The following SMARCA4 variants were observed in gnomAD, a reference collection of about 807,000 sequenced individuals.
SMARCA4 encodes the protein SWI/SNF related BAF chromatin remodeling complex subunit ATPase 4, also known as SWI/SNF-related matrix-associated actin-dependent regulator of chromatin subfamily A member 4.
Under a neutral mutation model 193.9 loss-of-function variants are expected in SMARCA4, and 31 were observed. The observed-to-expected ratio is 0.16, with a 90% CI of 0.12 to 0.22. SMARCA4 has a LOEUF of 0.22. Among genes scored for constraint, SMARCA4 ranks in the 10% least tolerant of loss-of-function variants. The probability of loss-of-function intolerance (pLI) is 1.00; values close to 1 mark genes in which losing one functional copy is unlikely to be tolerated. For synonymous variants in SMARCA4, 942 were observed against 933.1 expected (o/e 1.01, Z -0.17); for missense variants, 1,148 against 2,296.0 (o/e 0.50, Z 10.22).
chr19:11,059,618 C>A (rs2076739988), intron 32 of SMARCA4, 135 bp from the exon 33 acceptor site: 2 of 985,522 alleles, frequency 2.0e-6, no homozygotes, highest in South Asian at 1.4e-5. Context: ...GAAGCCCCGA[C>A]CCGCTGAGGC....
intron 11 of SMARCA4, among the ~76,000 whole-genome samples, 195 bp downstream of exon 11, chr19:10,996,739 C>A (rs540043180): frequency 2.7e-5 from 4 of 150,892 alleles, no homozygotes; most frequent in African/African-American, 7.2e-5. Context: ...AGACCTTTTT[C>A]TATGCATGTG....
chr19:11,060,917 C>A (rs541434007), intron 34 of SMARCA4, among the ~76,000 whole-genome samples: 1 of 152,236 alleles, frequency 6.6e-6, no homozygotes, highest in Admixed American at 6.5e-5. Flanking sequence ...TTCATGAAGT[C>A]CTCATGTGGA....
chr19:10,984,020 TG>T lies in SMARCA4; in HGVS notation c.-31-98del. On this transcript the variant is annotated intron_variant, in intron 1 of 34. Transcript: ENST00000344626. This position sits in a 1 kb window ranked among gnomAD's most constrained non-coding sequence, Gnocchi z 4.3. ...TGGTGGGGAAGGTACTGGCTTCCTG[TG>T]GGATGTAGATTCTGATGTGACCGTA... The T allele has an allele frequency of 2.3e-6, 2 of 863,184 alleles. No individual in the cohort carries two copies. Among genetic ancestry groups the T allele is most frequent in the Non-Finnish European group, 3.8e-6 (2 of 524,882 alleles). 53.5% of individuals were successfully genotyped at this position (863,184 alleles called of 1,614,324 possible). A position where few individuals can be genotyped will look rare whatever the true frequency, so the allele number is the denominator to read the frequency against.
chr19:11,060,294 G>A (rs1030014084), intron 34 of SMARCA4, 107 bp downstream of exon 34: 14 of 1,378,332 alleles, frequency 1.0e-5, no homozygotes, highest in Admixed American at 4.0e-5. Context: ...CCACGCTGCA[G>A]GTGGGAAAGC....
chr19:11,050,187 A>AGG (rs767085986), intron 30 of SMARCA4, among the ~76,000 whole-genome samples: 27 of 152,352 alleles, frequency 1.8e-4, no homozygotes, highest in Non-Finnish European at 3.7e-4. Flanking sequence ...TCAGGGCTAG[A>AGG]GGGGCACAAT....
chr19:11,044,936 G>T (rs893757972), intron 30 of SMARCA4, among the ~76,000 whole-genome samples: 1 of 152,146 alleles, frequency 6.6e-6, no homozygotes, highest in Non-Finnish European at 1.5e-5. Flanking sequence ...AGGCCTAATC[G>T]TACAGGGCCC....
In SMARCA4 at chr19:10,997,812, G is replaced by A. The variant is rs574596636; in HGVS notation, c.1812+1268G>A. On this transcript the variant is annotated intron_variant, in intron 11 of 34. Transcript: ENST00000344626. ...AACTCTTTGAGAGTCAAATGCAGACGTGACAGCGCCTTACCTCCATGTAAT... is the reference window on the plus strand; with the variant it reads ...AACTCTTTGAGAGTCAAATGCAGACATGACAGCGCCTTACCTCCATGTAAT... Among the ~76,000 whole-genome samples the A allele has an allele frequency of 3.9e-5, 6 of 152,280 alleles. No homozygotes were observed. In the South Asian group the frequency reaches 1.2e-3, roughly 32 times the overall value.
intron 9 of SMARCA4, chr19:10,995,930 TG>T: frequency 2.0e-6 from 1 of 496,480 alleles, no homozygotes; most frequent in South Asian, 1.9e-5. Flanking sequence ...GCTTCGGGTT[TG>T]GGGTGTATTT....
chr19:11,053,769 G>A (rs1370237871), intron 30 of SMARCA4, among the ~76,000 whole-genome samples: 1 of 152,122 alleles, frequency 6.6e-6, no homozygotes, highest in Non-Finnish European at 1.5e-5. Context: ...AAATTAGCCA[G>A]GTGTTGTGGC....
chr19:11,026,360 CA>C lies in SMARCA4; in HGVS notation c.3215+16del. The C allele has an allele frequency of 3.1e-6, 5 of 1,610,904 alleles. No individual in the cohort carries two copies. The highest frequency in any genetic ancestry group is 4.2e-6 in the Non-Finnish European group (5 of 1,177,194). On this transcript the variant is annotated intron_variant, in intron 23 of 34. Coordinates refer to ENST00000344626, the MANE Select transcript of SMARCA4 (RefSeq NM_003072.5). Reference sequence around the variant, plus strand: ...CATTGTCCAAGGGTGAGAAGCTTCCCAACTGGATGGGGTGGGCAGGTGGTCC... The same window carrying C: ...CATTGTCCAAGGGTGAGAAGCTTCCCACTGGATGGGGTGGGCAGGTGGTCC...
In SMARCA4 at chr19:10,996,617, C is replaced by G. The variant is rs1431416736; in HGVS notation, c.1812+73C>G. 3 of 1,388,868 alleles carry G rather than the reference C, an allele frequency of 2.2e-6. No individual in the cohort carries two copies. In the Admixed American group the frequency reaches 5.0e-5, roughly 23 times the overall value. 86.0% of individuals were successfully genotyped at this position (1,388,868 alleles called of 1,614,324 possible). On this transcript the variant is annotated intron_variant, in intron 11 of 34. Transcript: ENST00000344626. ...GTTGGTCTGTTTCAGACTTTAAAAC[C>G]TGTGTTCTTTTAAAATTACGAACAA...
rs373350445 is a variant in SMARCA4, at chr19:11,045,961, C to CGCCT, written c.4424+4403_4424+4406dup. 2.7e-3 allele frequency among the ~76,000 whole-genome samples: 414 copies of CGCCT among 152,202 alleles called. 2 individuals are homozygous for CGCCT. Among genetic ancestry groups the CGCCT allele is most frequent in the African/African-American group, 9.1e-3 (377 of 41,550 alleles). On this transcript the variant is annotated intron_variant, in intron 30 of 34. Coordinates refer to ENST00000344626, the MANE Select transcript of SMARCA4 (RefSeq NM_003072.5). Reference sequence around the variant, plus strand: ...AAAAAAGTCTGGGTGTGGTGGCTCACGCCTGTAATCCCAGCACTTTGGGAG... The same window carrying CGCCT: ...AAAAAAGTCTGGGTGTGGTGGCTCACGCCTGCCTGTAATCCCAGCACTTTGGGAG...
rs1182668376 is a variant in SMARCA4, at chr19:11,060,028, C to T, written c.4769-17C>T. The T allele has an allele frequency of 1.1e-5, 17 of 1,581,626 alleles. 1 individual carries two copies. In the South Asian group the frequency reaches 2.0e-4, roughly 18 times the overall value. On this transcript the variant is annotated splice_polypyrimidine_tract_variant and intron_variant, in intron 33 of 34. Transcript: ENST00000344626. ...TCCCAGAGCTCAAGGCTGTCTTTCC[C>T]TCCCGGTCCCCTCCAGCTCGGTCCG...
rs113565725 is a variant in SMARCA4, at chr19:11,028,118, T to G, written c.3382+168T>G. On this transcript the variant is annotated intron_variant, in intron 24 of 34. Transcript: ENST00000344626. ...GCTGAGCATCTTGGGCACTCGGCAC[T>G]GGGACAGGCCGTGGATTGGACGCCG... Among the ~76,000 whole-genome samples the G allele has an allele frequency of 1.7e-4, 26 of 152,294 alleles. No individual in the cohort carries two copies. In the South Asian group the frequency reaches 5.2e-3, roughly 30 times the overall value.
rs769612645 is a variant in SMARCA4 at position 11,058,237 on chromosome 19, G to A, written c.4425-18G>A. 52 of 1,591,722 alleles carry A rather than the reference G, an allele frequency of 3.3e-5. No individual in the cohort carries two copies. Among genetic ancestry groups the A allele is most frequent in the Middle Eastern group, 1.7e-4 (1 of 5,932 alleles). On this transcript the variant is annotated intron_variant, in intron 30 of 34. Transcript: ENST00000344626. This position sits in a 1 kb window ranked among gnomAD's most constrained non-coding sequence, Gnocchi z 5.8. ...GTGGGCGGACTCGGGGGTGATAGCC[G>A]CCGGTTCTGCCTTGCAGCAGCAGTG...
In SMARCA4 at chr19:10,990,329, A is replaced by C. The variant is rs79695124; in HGVS notation, c.1246-821A>C. Among the ~76,000 whole-genome samples the C allele has an allele frequency of 2.4e-3, 368 of 151,854 alleles. 3 individuals are homozygous for C. The East Asian group carries it at 0.026, about 11-fold the overall frequency. On this transcript the variant is annotated intron_variant, in intron 7 of 34. Coordinates refer to ENST00000344626, the MANE Select transcript of SMARCA4 (RefSeq NM_003072.5). ...CACCATGCCGGGCTGATTTTTTTGAAGTGCAGTGGCACAATCTTGGCTCAC... is the reference window on the plus strand; with the variant it reads ...CACCATGCCGGGCTGATTTTTTTGACGTGCAGTGGCACAATCTTGGCTCAC...
rs1219096862 is a variant in SMARCA4, at chr19:10,984,416, A to T, written c.222+43A>T. On this transcript the variant is annotated intron_variant, in intron 2 of 34. Coordinates refer to ENST00000344626, the MANE Select transcript of SMARCA4 (RefSeq NM_003072.5). This position sits in a 1 kb window ranked among gnomAD's most constrained non-coding sequence, Gnocchi z 4.3. ...CGCCTCGCACCTGCGGCCTCTGCCCACTAGGGCTGCAGGCAGCCTCTGGAC... is the reference window on the plus strand; with the variant it reads ...CGCCTCGCACCTGCGGCCTCTGCCCTCTAGGGCTGCAGGCAGCCTCTGGAC... 1.3e-6 allele frequency: 2 copies of T among 1,552,072 alleles called. No individual in the cohort carries two copies. Among genetic ancestry groups the T allele is most frequent in the Non-Finnish European group, 1.7e-6 (2 of 1,148,112 alleles).
chr19:11,044,333 A>C (rs1262602650), intron 30 of SMARCA4, among the ~76,000 whole-genome samples: 6 of 152,226 alleles, frequency 3.9e-5, no homozygotes, highest in Non-Finnish European at 2.9e-5. Flanking sequence ...GGGAGCCAAA[A>C]GCCACTAATC....
intron 24 of SMARCA4, among the ~76,000 whole-genome samples, 183 bp downstream of exon 24, chr19:11,028,133 A>G (rs1019326874): frequency 1.3e-5 from 2 of 152,184 alleles, no homozygotes; most frequent in African/African-American, 4.8e-5. Context: ...CAGGCCGTGG[A>G]TTGGACGCCG....
Sources: gnomAD v4.1 joint callset for allele counts (sites outside exome capture counted in the v4.1 genomes callset) on GRCh38, gnomAD v4.1.1 for gene constraint, Gnocchi (gnomAD v3.1) non-coding constraint, MANE v1.5 for transcripts, NCBI Gene and HGNC (gene_info 2026-07-23, HGNC 2026-07-21) for gene names.